The following EPHB1 variants were observed in gnomAD, a reference collection of about 807,000 sequenced individuals.
The protein encoded by EPHB1 is EPH receptor B1.
EPHB1 carries 30 observed loss-of-function variants against 94.4 expected under a neutral mutation model. The observed-to-expected ratio is 0.32, with a 90% CI of 0.24 to 0.43. The LOEUF (loss-of-function observed/expected upper bound fraction) is 0.43, where lower values mean the gene tolerates loss of function less well. EPHB1 is among the 20% of genes least tolerant of loss of function. The pLI, the probability that EPHB1 is intolerant of heterozygous loss-of-function variation, is 1.00. For missense variants in EPHB1, 1,055 were observed against 1,308.3 expected (o/e 0.81, Z 2.99); for synonymous variants, 522 against 489.1 (o/e 1.07, Z -0.89).
At chr3:135,015,404 C>A (rs1189955901) in intron 3 of EPHB1, among the ~76,000 whole-genome samples, 1 of 152,156 alleles carries the variant, frequency 6.6e-6, no homozygotes, top group African/African-American at 2.4e-5. Flanking sequence ...CCACACCCAG[C>A]TAATTTTTAG....
chr3:134,851,652 C>A (rs1174018166), intron 1 of EPHB1, among the ~76,000 whole-genome samples: 1 of 152,226 alleles, frequency 6.6e-6, no homozygotes, highest in African/African-American at 2.4e-5. Context: ...GTGCCCTGAC[C>A]TGTGGACACT....
At chr3:135,055,025 A>G (rs1006344325) in intron 3 of EPHB1, among the ~76,000 whole-genome samples, 1 of 152,212 alleles carries the variant, frequency 6.6e-6, no homozygotes, top group African/African-American at 2.4e-5. Flanking sequence ...CCATAATTCT[A>G]TTAATATTTT....
intron 3 of EPHB1, among the ~76,000 whole-genome samples, chr3:135,078,458 C>G (rs1938027726): frequency 6.6e-6 from 1 of 152,232 alleles, no homozygotes; most frequent in South Asian, 2.1e-4. Context: ...AATGTGCAGA[C>G]AGGTAGAAGC....
chr3:135,141,787 T>C (rs1046800575), intron 5 of EPHB1, among the ~76,000 whole-genome samples: 4 of 151,990 alleles, frequency 2.6e-5, no homozygotes, highest in Non-Finnish European at 4.4e-5. Context: ...GAGGCAGGGC[T>C]CTCAGAGTGG....
At position 135,132,746 on chromosome 3, in the gene EPHB1, A is replaced by G; in HGVS notation, c.994A>G (p.Ile332Val). 6.2e-7 allele frequency: 1 copy of G among 1,605,318 alleles called. No individual in the cohort carries two copies. Among genetic ancestry groups the G allele is most frequent in the Non-Finnish European group, 8.5e-7 (1 of 1,173,356 alleles). ...ATCAGGTCCCCGCAATGTTATCTCC[A>G]TCGTCAATGAGACGTCCATCATTCT... Reference protein sequence around the residue: ...VPSGPRNVISIVNETSIILEW... With the variant: ...VPSGPRNVISVVNETSIILEW... The change falls in exon 5 of 16, where the codon ATC becomes GTC. Residue 332 changes from isoleucine to valine, a missense_variant. Ile to Val is a conservative substitution (Grantham distance 29). Coordinates refer to ENST00000398015, the MANE Select transcript of EPHB1 (RefSeq NM_004441.5).
chr3:134,825,279 G>A (rs1578116546), intron 1 of EPHB1, among the ~76,000 whole-genome samples: 1 of 152,318 alleles, frequency 6.6e-6, no homozygotes, highest in East Asian at 1.9e-4. Flanking sequence ...TAGAAGCTTG[G>A]CAGTTGGTCT....
chr3:135,241,346 C>T (rs1238606237), intron 13 of EPHB1, 49 bp downstream of exon 13: 27 of 1,608,552 alleles, frequency 1.7e-5, no homozygotes, highest in Non-Finnish European at 2.2e-5. Context: ...TGAAGGGATC[C>T]CAAAGGCAGT....
At chr3:134,815,048 A>C (rs1158191287) in intron 1 of EPHB1, among the ~76,000 whole-genome samples, 1 of 152,202 alleles carries the variant, frequency 6.6e-6, no homozygotes. Context: ...GCAATTTTTA[A>C]AAAGAGCTAT....
At chr3:135,051,941 A>T (rs1937181835) in intron 3 of EPHB1, among the ~76,000 whole-genome samples, 2 of 152,224 alleles carry the variant, frequency 1.3e-5, no homozygotes, top group Admixed American at 6.5e-5. Context: ...GGAAGGCGAG[A>T]TATGACCAGG....
In EPHB1 at chr3:134,975,377, G is replaced by A. The variant is rs533594075; in HGVS notation, c.805+23325G>A. Among the ~76,000 whole-genome samples, 160 of 152,308 alleles carry A rather than the reference G, an allele frequency of 1.1e-3. 1 individual carries two copies. Among genetic ancestry groups the A allele is most frequent in the Non-Finnish European group, 1.3e-3 (88 of 68,028 alleles). On this transcript the variant is annotated intron_variant, in intron 3 of 15. Transcript: ENST00000398015. ...TGGGTAAGGCTAAAGAGCATGTACAGAGAGTGAGCAAAGTCAAAACAGAAA... is the reference window on the plus strand; with the variant it reads ...TGGGTAAGGCTAAAGAGCATGTACAAAGAGTGAGCAAAGTCAAAACAGAAA...
intron 3 of EPHB1, among the ~76,000 whole-genome samples, chr3:135,014,580 G>C (rs563989942): frequency 6.6e-6 from 1 of 152,322 alleles, no homozygotes; most frequent in South Asian, 2.1e-4. Flanking sequence ...ATTGGCTATT[G>C]AGTGTGTGCT....
rs1307303499 is a variant in EPHB1, at chr3:135,076,494, TG to T, written c.806-29951del. On this transcript the variant is annotated intron_variant, in intron 3 of 15. Transcript: ENST00000398015. Reference sequence around the variant, plus strand: ...AAATGGAAGTCTTATACAATACTGCTGGGAATGTAAAATTGTACAGCTGCTT... The same window carrying T: ...AAATGGAAGTCTTATACAATACTGCTGGAATGTAAAATTGTACAGCTGCTT... Among the ~76,000 whole-genome samples, 5 of 152,282 alleles carry T rather than the reference TG, an allele frequency of 3.3e-5. No homozygotes were observed. In the East Asian group the frequency reaches 9.6e-4, roughly 29 times the overall value.
chr3:135,106,645 C>T (rs759516838), intron 4 of EPHB1, 42 bp downstream of exon 4: 6 of 1,607,240 alleles, frequency 3.7e-6, no homozygotes, highest in Non-Finnish European at 5.1e-6. Context: ...AGTTTGGTTC[C>T]CTGATGGTGC....
rs35774847 is a variant in EPHB1 at position 135,166,928 on chromosome 3, C to G, written c.1695-14C>G. ...GTGCCCTGTGGCTGAGAGAGCCCCT[C>G]TTTTTATCCACAGGAAACGGGCTTA... On this transcript the variant is annotated splice_polypyrimidine_tract_variant and intron_variant, in intron 8 of 15. Coordinates refer to ENST00000398015, the MANE Select transcript of EPHB1 (RefSeq NM_004441.5). 6.2e-7 allele frequency: 1 copy of G among 1,613,934 alleles called. No individual in the cohort carries two copies. The highest frequency in any genetic ancestry group is 8.5e-7 in the Non-Finnish European group (1 of 1,179,870).
chr3:134,846,215 G>T (rs1250781140), intron 1 of EPHB1, among the ~76,000 whole-genome samples: 1 of 152,224 alleles, frequency 6.6e-6, no homozygotes, highest in Non-Finnish European at 1.5e-5. Flanking sequence ...TGTGTGTTAA[G>T]CCAGCAGCAA....
At chr3:135,187,861 C>A (rs1374412990) in intron 10 of EPHB1, among the ~76,000 whole-genome samples, 2 of 152,098 alleles carry the variant, frequency 1.3e-5, no homozygotes, top group African/African-American at 4.8e-5. Context: ...AGTGAGACTC[C>A]CCTACTCTGC....
chr3:134,938,994 T>C (rs2039064064), intron 2 of EPHB1, among the ~76,000 whole-genome samples: 1 of 152,158 alleles, frequency 6.6e-6, no homozygotes, highest in African/African-American at 2.4e-5. Flanking sequence ...CACCCCTTTT[T>C]TGATCATCAC....
intron 9 of EPHB1, among the ~76,000 whole-genome samples, chr3:135,172,434 C>G (rs758570042): frequency 2.0e-5 from 3 of 152,206 alleles, no homozygotes; most frequent in Non-Finnish European, 4.4e-5. Flanking sequence ...CCTATTCAAG[C>G]AGAGACTAGA....
At chr3:135,067,285 C>T (rs1233361168) in intron 3 of EPHB1, among the ~76,000 whole-genome samples, 1 of 152,028 alleles carries the variant, frequency 6.6e-6, no homozygotes, top group Non-Finnish European at 1.5e-5. Flanking sequence ...TCTTCAGCTA[C>T]CAGAGTGGGT....
Sources: allele counts gnomAD v4.1 joint callset (sites outside exome capture counted in the v4.1 genomes callset), GRCh38; gene constraint gnomAD v4.1.1; transcripts MANE v1.5; gene names NCBI Gene and HGNC (gene_info 2026-07-23, HGNC 2026-07-21).